Variants in RBFOX1 observed in about 807,000 individuals in gnomAD.
The protein encoded by RBFOX1 is RNA binding fox-1 homolog 1.
Under a neutral mutation model 57.7 loss-of-function variants are expected in RBFOX1, and 8 were observed. The observed-to-expected ratio is 0.14, with a 90% CI of 0.08 to 0.25. The LOEUF is 0.25. Among genes scored for constraint, RBFOX1 ranks in the 10% least tolerant of loss-of-function variants. The pLI, the probability that RBFOX1 is intolerant of heterozygous loss-of-function variation, is 1.00. For synonymous variants in RBFOX1, 326 were observed against 222.4 expected (o/e 1.47, Z -4.15); for missense variants, 611 against 548.5 (o/e 1.11, Z -1.14).
In RBFOX1 at chr16:6,273,577, C is replaced by G. The variant is rs140743575; in HGVS notation, c.-126-43418C>G. Among the ~76,000 whole-genome samples the G allele has an allele frequency of 5.1e-4, 77 of 151,972 alleles. 1 individual carries two copies. The East Asian group carries it at 0.014, about 27-fold the overall frequency. ...GTCAGGCTGGTCTGGAACTTCTGAC[C>G]TCAGGTGATCCGCCCGCCTCGGCCC... On this transcript the variant is annotated intron_variant, in intron 1 of 15. Coordinates refer to ENST00000550418, the MANE Select transcript of RBFOX1 (RefSeq NM_018723.4).
intron 3 of RBFOX1, among the ~76,000 whole-genome samples, chr16:5,615,259 G>A (rs1295227597): frequency 6.6e-6 from 1 of 152,094 alleles, no homozygotes; most frequent in Non-Finnish European, 1.5e-5. Flanking sequence ...TCTAATTCCT[G>A]GACTCAATTG....
chr16:6,441,285 G>C (rs2094374683), intron 2 of RBFOX1, among the ~76,000 whole-genome samples: 1 of 152,138 alleles, frequency 6.6e-6, no homozygotes. Context: ...GAACAAATAG[G>C]ACCCAGACAT....
intron 2 of RBFOX1, among the ~76,000 whole-genome samples, chr16:5,497,723 G>A (rs2043050877): frequency 6.6e-6 from 1 of 152,058 alleles, no homozygotes; most frequent in African/African-American, 2.4e-5. Flanking sequence ...AGGTCGCAGT[G>A]AGCTGAGCTG....
chr16:6,168,043 A>T (rs145731053), intron 1 of RBFOX1, among the ~76,000 whole-genome samples: 1 of 152,166 alleles, frequency 6.6e-6, no homozygotes, highest in African/African-American at 2.4e-5. Flanking sequence ...GGAGACTGAC[A>T]GTTTTGTCTG....
At chr16:6,433,588 T>G (rs78029515) in intron 2 of RBFOX1, among the ~76,000 whole-genome samples, 4,051 of 152,270 alleles carry the variant, frequency 0.027, 136 homozygotes, top group East Asian at 0.13. Context: ...GCAAGAACCT[T>G]ATGAACGTAT....
At chr16:6,668,946 G>A (rs901726898) in intron 3 of RBFOX1, among the ~76,000 whole-genome samples, 2 of 152,214 alleles carry the variant, frequency 1.3e-5, no homozygotes, top group African/African-American at 2.4e-5. Flanking sequence ...AAAGATGGCA[G>A]TGGCTTTTTT....
chr16:5,725,071 GGT>G (rs2052090586), intron 3 of RBFOX1, among the ~76,000 whole-genome samples: 2 of 152,000 alleles, frequency 1.3e-5, no homozygotes, highest in African/African-American at 4.8e-5. Context: ...GGATAATGAG[GGT>G]GTGTCTGTAG....
At chr16:6,942,971 G>A (rs533583685) in intron 3 of RBFOX1, among the ~76,000 whole-genome samples, 2 of 152,138 alleles carry the variant, frequency 1.3e-5, no homozygotes, top group African/African-American at 4.8e-5. Context: ...GACTTGTTTC[G>A]TGGTTGAAAA....
At chr16:5,877,383 C>A (rs762203823) in intron 4 of RBFOX1, among the ~76,000 whole-genome samples, 1 of 152,224 alleles carries the variant, frequency 6.6e-6, no homozygotes, top group Non-Finnish European at 1.5e-5. Context: ...GATGAACAGA[C>A]GCTTTTAGCT....
At chr16:5,982,857 T>C (rs1428550108) in intron 4 of RBFOX1, among the ~76,000 whole-genome samples, 1 of 152,218 alleles carries the variant, frequency 6.6e-6, no homozygotes, top group Non-Finnish European at 1.5e-5. Context: ...ATTATATCTG[T>C]TATGTCTCAA....
chr16:5,944,181 G>A (rs1209356914), intron 4 of RBFOX1, among the ~76,000 whole-genome samples: 4 of 152,162 alleles, frequency 2.6e-5, no homozygotes, highest in African/African-American at 9.7e-5. Flanking sequence ...TGACCTCAAC[G>A]ATGTGTGAAC....
At chr16:7,412,439 G>C (rs1400306800) in intron 4 of RBFOX1, among the ~76,000 whole-genome samples, 1 of 148,426 alleles carries the variant, frequency 6.7e-6, no homozygotes, top group East Asian at 2.0e-4. Flanking sequence ...GTTAATAATA[G>C]GGGAAATTGT....
At chr16:7,477,403 T>TG (rs1370844775) in intron 4 of RBFOX1, among the ~76,000 whole-genome samples, 1 of 152,140 alleles carries the variant, frequency 6.6e-6, no homozygotes, top group Non-Finnish European at 1.5e-5. Flanking sequence ...GGTTTACCCG[T>TG]GGGGGGTCGG....
chr16:6,071,818 A>G (rs1042283743), intron 1 of RBFOX1, among the ~76,000 whole-genome samples: 2 of 152,188 alleles, frequency 1.3e-5, no homozygotes, highest in Non-Finnish European at 2.9e-5. Flanking sequence ...GACACTTTGT[A>G]TAAGTAGAAT....
chr16:6,058,232 G>T (rs370960037), intron 1 of RBFOX1, among the ~76,000 whole-genome samples: 1 of 152,046 alleles, frequency 6.6e-6, no homozygotes, highest in Non-Finnish European at 1.5e-5. Flanking sequence ...AGTGTTTATT[G>T]GTTTTCATTA....
chr16:5,966,824 C>G (rs541912649), intron 4 of RBFOX1, among the ~76,000 whole-genome samples: 6 of 152,012 alleles, frequency 3.9e-5, no homozygotes, highest in Non-Finnish European at 8.8e-5. Context: ...GGGGGCAGAT[C>G]CAAACCATAT....
At chr16:6,169,481 T>C (rs2152761998) in intron 1 of RBFOX1, among the ~76,000 whole-genome samples, 1 of 152,074 alleles carries the variant, frequency 6.6e-6, no homozygotes, top group Non-Finnish European at 1.5e-5. Context: ...TTAAAGGAGT[T>C]AATTGAACAA....
intron 1 of RBFOX1, among the ~76,000 whole-genome samples, chr16:6,084,759 C>T (rs1245310209): frequency 1.4e-5 from 2 of 147,168 alleles, no homozygotes; most frequent in African/African-American, 4.9e-5. Context: ...CATGGGGAAG[C>T]CCAGGCTTGC....
chr16:6,925,128 T>G (rs1167756361), intron 3 of RBFOX1, among the ~76,000 whole-genome samples: 37 of 92,214 alleles, frequency 4.0e-4, no homozygotes, highest in African/African-American at 1.7e-3. Context: ...TTTTTTTTTT[T>G]TTTTTTTTTT....
Sources: allele counts gnomAD v4.1 joint callset (sites outside exome capture counted in the v4.1 genomes callset), GRCh38; gene constraint gnomAD v4.1.1; transcripts MANE v1.5; gene names NCBI Gene and HGNC (gene_info 2026-07-23, HGNC 2026-07-21).